Variants in HECW1 observed in about 807,000 individuals in gnomAD.
HECW1 encodes the protein HECT, C2 and WW domain containing E3 ubiquitin protein ligase 1.
HECW1 carries 61 observed loss-of-function variants against 182.3 expected under a neutral mutation model. That is an observed-to-expected ratio of 0.33 (90% confidence interval 0.27 to 0.41). The LOEUF (loss-of-function observed/expected upper bound fraction) is 0.41. Among genes scored for constraint, HECW1 ranks in the 10% least tolerant of loss-of-function variants. The pLI, the probability that HECW1 is intolerant of heterozygous loss-of-function variation, is 1.00. For missense variants in HECW1, 1,739 were observed against 2,108.9 expected, an observed-to-expected ratio of 0.82 and a Z score of 3.44; for synonymous variants, 859 against 832.6, an observed-to-expected ratio of 1.03 and a Z score of -0.55.
rs370721022 is a variant in HECW1, at chr7:43,387,265, G to A, written c.556-9549G>A. Reference sequence around the variant, plus strand: ...TTGAATGGATCGAGGTTATGGAAACGGATTCATCTTCACTCTTCCTGTTCT... The same window carrying A: ...TTGAATGGATCGAGGTTATGGAAACAGATTCATCTTCACTCTTCCTGTTCT... On this transcript the variant is annotated intron_variant, in intron 6 of 29. Coordinates refer to ENST00000395891, the MANE Select transcript of HECW1 (RefSeq NM_015052.5). 8.2e-4 allele frequency among the ~76,000 whole-genome samples: 124 copies of A among 151,996 alleles called. 1 individual carries two copies. The highest frequency in any genetic ancestry group is 2.3e-3 in the South Asian group (11 of 4,804).
At chr7:43,212,187 A>T in intron 2 of HECW1, among the ~76,000 whole-genome samples, 1 of 152,194 alleles carries the variant, frequency 6.6e-6, no homozygotes, top group East Asian at 1.9e-4. Context: ...AACTATCAAC[A>T]TTTTCAAGGC....
At chr7:43,492,395 C>A (rs1328132141) in intron 18 of HECW1, among the ~76,000 whole-genome samples, 1 of 152,164 alleles carries the variant, frequency 6.6e-6, no homozygotes, top group African/African-American at 2.4e-5. Flanking sequence ...CCTATCTGTT[C>A]CCCTCCCTGT....
chr7:43,409,051 G>A (rs80108818), intron 8 of HECW1, among the ~76,000 whole-genome samples: 20,299 of 152,156 alleles, frequency 0.13, 1,683 homozygotes, highest in Middle Eastern at 0.24. Context: ...GAGCTTTCAA[G>A]CATCCTTGAC....
At position 43,492,102 on chromosome 7, in the gene HECW1, G is replaced by A; in HGVS notation, c.3262G>A (p.Ala1088Thr). Residue 1088 changes from alanine to threonine, a missense_variant, in exon 18 of 30, where the codon GCC becomes ACC. Physicochemically the swap from Ala to Thr is moderately conservative, Grantham distance 58. Transcript: ENST00000395891. Reference sequence around the variant, plus strand: ...CTCAGAAGTTTCTAGAAACAGAGGAGCCTCTTTACTGGCCAGGCCAGGACA... The same window carrying A: ...CTCAGAAGTTTCTAGAAACAGAGGAACCTCTTTACTGGCCAGGCCAGGACA... ...EASEVSRNRG[A>T]SLLARPGHSL... The A allele has an allele frequency of 6.2e-7, 1 of 1,605,190 alleles. No individual in the cohort carries two copies. The highest frequency in any genetic ancestry group is 2.2e-5 in the East Asian group (1 of 44,684).
chr7:43,542,750 T>A lies in HECW1; in HGVS notation c.4248+752T>A, dbSNP rs566767157. Among the ~76,000 whole-genome samples the A allele has an allele frequency of 1.6e-4, 25 of 152,314 alleles. No individual in the cohort carries two copies. The South Asian group carries it at 3.9e-3, about 24-fold the overall frequency. Reference sequence around the variant, plus strand: ...TAGATCATGTGGTAATGGGATTTTGTTTTTAAATTAGCGAATAAGGGATCT... The same window carrying A: ...TAGATCATGTGGTAATGGGATTTTGATTTTAAATTAGCGAATAAGGGATCT... On this transcript the variant is annotated intron_variant, in intron 26 of 29. Transcript: ENST00000395891.
At chr7:43,454,666 C>G (rs139837005) in intron 12 of HECW1, among the ~76,000 whole-genome samples, 4 of 152,260 alleles carry the variant, frequency 2.6e-5, no homozygotes, top group Middle Eastern at 3.4e-3. Context: ...TCCATCAGGT[C>G]AAGCATAAGC....
chr7:43,179,891 G>A (rs546668159), intron 2 of HECW1, among the ~76,000 whole-genome samples: 3 of 152,212 alleles, frequency 2.0e-5, no homozygotes, highest in African/African-American at 7.2e-5. Flanking sequence ...ATTTACTAGC[G>A]CAGTAATTTT....
chr7:43,163,442 C>G (rs531732482), intron 2 of HECW1, among the ~76,000 whole-genome samples: 3 of 152,118 alleles, frequency 2.0e-5, no homozygotes, highest in Non-Finnish European at 4.4e-5. Context: ...GGAGGTGCTG[C>G]GAAGACTGGG....
intron 17 of HECW1, among the ~76,000 whole-genome samples, chr7:43,491,476 A>G (rs2078931708): frequency 2.0e-5 from 3 of 152,230 alleles, no homozygotes; most frequent in Admixed American, 6.5e-5. Context: ...GCTACCTTGG[A>G]AAGTTATAGG....
rs1476137599 is a variant in HECW1, at chr7:43,563,598, G to T, written c.*1672G>T. ...CTCTAAAGCATTCCGGCCAGGAGCG[G>T]TGGCTCATGCCTGTAATCCCAGCAC... On this transcript the variant is annotated 3_prime_UTR_variant, in exon 30 of 30. Coordinates refer to ENST00000395891, the MANE Select transcript of HECW1 (RefSeq NM_015052.5). 3 of 185,850 alleles carry T rather than the reference G, an allele frequency of 1.6e-5. No individual in the cohort carries two copies. The highest frequency in any genetic ancestry group is 7.0e-5 in the African/African-American group (3 of 42,628). 11.5% of individuals were successfully genotyped at this position (185,850 alleles called of 1,614,324 possible).
chr7:43,552,446 G>A (rs748369188), intron 28 of HECW1, 110 bp downstream of exon 28: 19 of 740,578 alleles, frequency 2.6e-5, no homozygotes, highest in Admixed American at 1.2e-4. Flanking sequence ...TGACTAAAGC[G>A]AACAAGTCAG....
intron 3 of HECW1, among the ~76,000 whole-genome samples, chr7:43,254,687 G>T (rs929473954): frequency 3.9e-5 from 6 of 152,184 alleles, no homozygotes; most frequent in Non-Finnish European, 7.3e-5. Context: ...ATACGAAAGT[G>T]TATGAGGAGC....
chr7:43,136,139 A>G (rs1359272553), intron 2 of HECW1, among the ~76,000 whole-genome samples: 3 of 152,082 alleles, frequency 2.0e-5, no homozygotes, highest in Non-Finnish European at 4.4e-5. Flanking sequence ...CTAAATTATT[A>G]GAAGAACCTC....
chr7:43,254,799 C>A (rs780178810), intron 3 of HECW1, among the ~76,000 whole-genome samples: 1 of 152,208 alleles, frequency 6.6e-6, no homozygotes, highest in Non-Finnish European at 1.5e-5. Flanking sequence ...CTTTTGAAAA[C>A]CACAGAACCA....
intron 19 of HECW1, among the ~76,000 whole-genome samples, chr7:43,500,473 T>G (rs985258194): frequency 6.6e-6 from 1 of 152,146 alleles, no homozygotes; most frequent in African/African-American, 2.4e-5. Flanking sequence ...GACCTAACTT[T>G]GCTGTGTTCC....
rs180704297 is a variant in HECW1, at chr7:43,301,189, A to G, written c.28-10574A>G. On this transcript the variant is annotated intron_variant, in intron 3 of 29. Transcript: ENST00000395891. ...TTTCACACACTTCCAGCTGCCCCCA[A>G]CACTGTCTGGCAGACAGCTAAGAGG... Among the ~76,000 whole-genome samples the G allele has an allele frequency of 4.8e-3, 712 of 149,190 alleles. 3 individuals are homozygous for G. The highest frequency in any genetic ancestry group is 7.4e-3 in the Non-Finnish European group (500 of 68,020).
intron 5 of HECW1, among the ~76,000 whole-genome samples, chr7:43,343,473 G>A (rs1287875205): frequency 1.3e-5 from 2 of 151,582 alleles, no homozygotes; most frequent in East Asian, 1.9e-4. Flanking sequence ...GTGTCCAAGT[G>A]TTCTCATTGT....
rs1263597750 is a variant in HECW1, at chr7:43,564,368, A to G, written c.*2442A>G. On this transcript the variant is annotated 3_prime_UTR_variant, in exon 30 of 30. Transcript: ENST00000395891. ...CTGGAGAGCTTTGCAATTTATATAA[A>G]TTACTAATTAATCTATTAATTAGAT... 7 of 182,486 alleles carry G rather than the reference A, an allele frequency of 3.8e-5. No homozygotes were observed. The highest frequency in any genetic ancestry group is 3.8e-4 in the Admixed American group (6 of 16,000). 11.3% of individuals were successfully genotyped at this position (182,486 alleles called of 1,614,324 possible).
chr7:43,446,053 G>T (rs2152879776), intron 11 of HECW1, among the ~76,000 whole-genome samples: 1 of 152,328 alleles, frequency 6.6e-6, no homozygotes. Context: ...CTCTGTTTTA[G>T]AATTCAACTA....
Sources: gnomAD v4.1 joint callset for allele counts (sites outside exome capture counted in the v4.1 genomes callset) on GRCh38, gnomAD v4.1.1 for gene constraint, MANE v1.5 for transcripts, NCBI Gene and HGNC (gene_info 2026-07-23, HGNC 2026-07-21) for gene names.